Variants in ASH1L observed in about 807,000 individuals in gnomAD.
The protein encoded by ASH1L is ASH1 like histone lysine methyltransferase.
Under a neutral mutation model 269.0 loss-of-function variants are expected in ASH1L, and 23 were observed. That is an observed-to-expected ratio of 0.09 (90% CI 0.06 to 0.12). The LOEUF (loss-of-function observed/expected upper bound fraction) is 0.12, where lower values mean the gene tolerates loss of function less well. Ranked by LOEUF, ASH1L falls within the 10% of genes least tolerant of loss-of-function variation. The probability of loss-of-function intolerance (pLI) is 1.00; values close to 1 mark genes in which losing one functional copy is unlikely to be tolerated. For missense variants in ASH1L, 2,912 were observed against 3,567.8 expected (o/e 0.82, Z 4.68); for synonymous variants, 1,187 against 1,253.5 (o/e 0.95, Z 1.12).
chr1:155,525,292 T>A (rs1266009350), intron 1 of ASH1L, among the ~76,000 whole-genome samples: 1 of 151,798 alleles, frequency 6.6e-6, no homozygotes. Context: ...AAATAAAAAG[T>A]ACAAAGTCCT....
chr1:155,460,578 A>C (rs1025980880), intron 3 of ASH1L, among the ~76,000 whole-genome samples: 1 of 152,252 alleles, frequency 6.6e-6, no homozygotes, highest in Non-Finnish European at 1.5e-5. Context: ...ATTGCACTGC[A>C]GCCTGGGCAA....
intron 15 of ASH1L, among the ~76,000 whole-genome samples, chr1:155,355,429 A>C (rs1396859845): frequency 1.3e-5 from 2 of 152,232 alleles, no homozygotes; most frequent in East Asian, 1.9e-4. Flanking sequence ...CCATTATTCA[A>C]TTTCCACAAC....
At chr1:155,510,049 A>G (rs995101389) in intron 2 of ASH1L, among the ~76,000 whole-genome samples, 17 of 152,128 alleles carry the variant, frequency 1.1e-4, no homozygotes, top group African/African-American at 4.1e-4. Flanking sequence ...AAATTACATC[A>G]GGTAAAAAGC....
chr1:155,471,702 C>A (rs1367153309), intron 3 of ASH1L, among the ~76,000 whole-genome samples: 1 of 152,244 alleles, frequency 6.6e-6, no homozygotes, highest in Admixed American at 6.5e-5. Context: ...TACTATAGTG[C>A]TTTCACAAGT....
intron 7 of ASH1L, among the ~76,000 whole-genome samples, chr1:155,390,639 C>T (rs554585044): frequency 2.2e-5 from 3 of 136,258 alleles, no homozygotes; most frequent in South Asian, 5.6e-4. Context: ...TTCTCCCCCC[C>T]CCCCCTTTTT....
intron 21 of ASH1L, 123 bp downstream of exon 21, chr1:155,346,260 A>C: frequency 6.4e-7 from 1 of 1,568,336 alleles, no homozygotes. Context: ...TTAAGAAACC[A>C]AGGCCCAGAG....
Position 155,457,026 on chromosome 1 carries a change from C to T in ASH1L, c.5086+2771G>A, listed in dbSNP as rs183386337. Among the ~76,000 whole-genome samples, 49 of 152,228 alleles carry T rather than the reference C, an allele frequency of 3.2e-4. No homozygotes were observed. In the East Asian group the frequency reaches 8.7e-3, roughly 27 times the overall value. ...TGCTTTACTATGGCCCTTTCCCCTC[C>T]GCCAGAAGACAAGCAACATTCAAGG... is the stretch of plus-strand genomic sequence containing the variant. On this transcript the variant is annotated intron_variant, in intron 4 of 27. Transcript: ENST00000392403.
At chr1:155,425,055 C>T (rs1475637630) in intron 5 of ASH1L, among the ~76,000 whole-genome samples, 3 of 151,424 alleles carry the variant, frequency 2.0e-5, no homozygotes, top group African/African-American at 7.3e-5. Flanking sequence ...CTGCAATCTC[C>T]GCCTCCCAGG....
intron 7 of ASH1L, among the ~76,000 whole-genome samples, chr1:155,386,707 A>G (rs1657460238): frequency 6.6e-6 from 1 of 151,374 alleles, no homozygotes; most frequent in Non-Finnish European, 1.5e-5. Flanking sequence ...CCCACTTCTC[A>G]ATGGTTTTTT....
In ASH1L at chr1:155,477,913, T is replaced by C; in HGVS notation, c.4957A>G (p.Asn1653Asp). ...GCCAAAGTCTGTACTGCCCTTTCGT[T>C]AGAAGGCAGTGACTCCTTTCTGTGA... ...RLHRKESLPS[N>D]ERAVQTLAGS... Residue 1653 changes from asparagine to aspartate, a missense_variant, in exon 3 of 28, where the codon AAC becomes GAC. This residue lies in a region of ASH1L where 789 missense variants were observed against 897.6 expected (regional missense o/e 0.88). Coordinates refer to ENST00000392403, the MANE Select transcript of ASH1L (RefSeq NM_018489.3). The C allele has an allele frequency of 6.2e-7, 1 of 1,613,000 alleles. No individual in the cohort carries two copies. Among genetic ancestry groups the C allele is most frequent in the Non-Finnish European group, 8.5e-7 (1 of 1,179,000 alleles).
intron 17 of ASH1L, among the ~76,000 whole-genome samples, chr1:155,351,962 G>A (rs1653969416): frequency 2.0e-5 from 3 of 152,044 alleles, no homozygotes; most frequent in Admixed American, 2.0e-4. Context: ...ACTGTACTGT[G>A]AATATTTTCT....
chr1:155,477,617 A>G (rs930013438), intron 3 of ASH1L, among the ~76,000 whole-genome samples: 10 of 152,172 alleles, frequency 6.6e-5, no homozygotes, highest in African/African-American at 2.4e-4. Flanking sequence ...TCTACATAAA[A>G]AAGATGAATG....
chr1:155,434,503 TAAAAAAAAA>T lies in ASH1L; in HGVS notation c.5828+3815_5828+3823del, dbSNP rs777553969. 2.0e-4 allele frequency among the ~76,000 whole-genome samples: 14 copies of T among 70,220 alleles called. 1 individual carries two copies. In the South Asian group the frequency reaches 5.7e-3, roughly 28 times the overall value. 46.1% of individuals were successfully genotyped at this position (70,220 alleles called of 152,430 possible). ...CTTTTTTCTTAAGCCTGGGACACAG[TAAAAAAAAA>T]AAAAAAAAAAAAAAATTGAAAAGAC... On this transcript the variant is annotated intron_variant, in intron 5 of 27. Coordinates refer to ENST00000392403, the MANE Select transcript of ASH1L (RefSeq NM_018489.3).
intron 7 of ASH1L, 41 bp downstream of exon 7, chr1:155,395,418 T>A (rs747233994): frequency 4.9e-6 from 7 of 1,419,678 alleles, no homozygotes; most frequent in Non-Finnish European, 6.8e-6. Flanking sequence ...CAGGAAATAC[T>A]GTTTCTTCTC....
Position 155,478,318 on chromosome 1 carries a change from T to C in ASH1L, c.4552A>G (p.Arg1518Gly), listed in dbSNP as rs142808913. 30 of 1,613,954 alleles carry C rather than the reference T, an allele frequency of 1.9e-5. No homozygotes were observed. The highest frequency in any genetic ancestry group is 1.8e-4 in the East Asian group (8 of 44,878). ...TCTCCAACAGCATCCTTTCCAAATCTATAGCGCTTCAAAGATTCCAGGACA... is the reference window on the plus strand; with the variant it reads ...TCTCCAACAGCATCCTTTCCAAATCCATAGCGCTTCAAAGATTCCAGGACA... ...RSVLESLKRY[R>G]FGKDAVGERY... Residue 1518 changes from arginine to glycine, a missense_variant, in exon 3 of 28, where the codon AGA becomes GGA. Physicochemically the swap from Arg to Gly is moderately radical, Grantham distance 125 (BLOSUM62 -2). Around this residue, in one of 13 missense-constraint regions of ASH1L, gnomAD observed 789 missense variants for 897.6 expected, o/e 0.88. Coordinates refer to ENST00000392403, the MANE Select transcript of ASH1L (RefSeq NM_018489.3). The surrounding 1 kb of genome is among the most constrained non-coding windows in gnomAD (Gnocchi z 4.6).
chr1:155,494,477 G>A (rs979343634), intron 2 of ASH1L, among the ~76,000 whole-genome samples: 2 of 152,162 alleles, frequency 1.3e-5, no homozygotes, highest in Non-Finnish European at 2.9e-5. Context: ...GACAATTGCA[G>A]AGAGGACAGT....
Position 155,520,998 on chromosome 1 carries a change from A to T in ASH1L, c.420+102T>A. 2.4e-6 allele frequency: 3 copies of T among 1,258,262 alleles called. No homozygotes were observed. In the South Asian group the frequency reaches 4.5e-5, roughly 19 times the overall value. The allele number at this position is 1,258,262 out of a possible 1,614,324, so 77.9% of individuals were successfully genotyped here. ...CAAAAACAAACTATCTGGAAATAAC[A>T]TAGATTAAAATCAAACTCCCGGAAA... On this transcript the variant is annotated intron_variant, in intron 2 of 27. Transcript: ENST00000392403.
At chr1:155,470,284 C>CT (rs1236941439) in intron 3 of ASH1L, among the ~76,000 whole-genome samples, 1 of 151,880 alleles carries the variant, frequency 6.6e-6, no homozygotes, top group Non-Finnish European at 1.5e-5. Context: ...CATGGTGAAA[C>CT]TCCGTCTCTA....
intron 1 of ASH1L, among the ~76,000 whole-genome samples, chr1:155,532,312 A>T (rs1043825044): frequency 6.6e-6 from 1 of 152,188 alleles, no homozygotes; most frequent in Non-Finnish European, 1.5e-5. Context: ...TATGTTTTTT[A>T]AAAAGGAAAT....
Sources: allele counts gnomAD v4.1 joint callset (sites outside exome capture counted in the v4.1 genomes callset), GRCh38; gene constraint gnomAD v4.1.1; regional missense constraint gnomAD v4.1.1; non-coding constraint Gnocchi (gnomAD v3.1); transcripts MANE v1.5; gene names NCBI Gene and HGNC (gene_info 2026-07-23, HGNC 2026-07-21).